ERC1: variants seen among roughly 807,000 people sequenced by gnomAD.
ERC1 encodes RAB6 interacting protein 2.
Under a neutral mutation model 132.0 loss-of-function variants are expected in ERC1, and 56 were observed. The observed-to-expected ratio is 0.42, with a 90% confidence interval of 0.34 to 0.53. The LOEUF (loss-of-function observed/expected upper bound fraction) is 0.53, where lower values mean the gene tolerates loss of function less well. ERC1 is among the 20% of genes least tolerant of loss of function. The probability of loss-of-function intolerance (pLI) is 0.03; values close to 1 mark genes in which losing one functional copy is unlikely to be tolerated. For synonymous variants in ERC1, 478 were observed against 476.1 expected (o/e 1.00, Z -0.05); for missense variants, 1,202 against 1,349.9 (o/e 0.89, Z 1.72).
chr12:1,334,004 T>C (rs1454215949), intron 15 of ERC1, among the ~76,000 whole-genome samples: 1 of 152,238 alleles, frequency 6.6e-6, no homozygotes, highest in African/African-American at 2.4e-5. Context: ...TGATCCCTGA[T>C]GTTGAGCTTT....
chr12:1,155,510 C>G (rs1228810790), intron 8 of ERC1, among the ~76,000 whole-genome samples: 1 of 151,632 alleles, frequency 6.6e-6, no homozygotes, highest in Non-Finnish European at 1.5e-5. Context: ...GAGTCTCGCT[C>G]TGTCGCCCAG....
At chr12:1,119,849 C>T (rs1350305168) in intron 7 of ERC1, among the ~76,000 whole-genome samples, 1 of 152,042 alleles carries the variant, frequency 6.6e-6, no homozygotes, top group Non-Finnish European at 1.5e-5. Flanking sequence ...CGCATCCATT[C>T]AGGAGTTACT....
rs115654257 is a variant in ERC1 at position 1,056,370 on chromosome 12, A to C, written c.670-26794A>C. On this transcript the variant is annotated intron_variant, in intron 2 of 18. Transcript: ENST00000360905. ...TGGAAAACTAGGACGCAGACACACA[A>C]AGAGTGAGGTTCAGAGTGGAAGTTT... 6.0e-3 allele frequency among the ~76,000 whole-genome samples: 906 copies of C among 151,886 alleles called. 9 individuals are homozygous for C. The highest frequency in any genetic ancestry group is 0.02 in the African/African-American group (836 of 41,188).
intron 18 of ERC1, among the ~76,000 whole-genome samples, chr12:1,454,865 A>AT (rs2093497049): frequency 6.6e-6 from 1 of 152,210 alleles, no homozygotes; most frequent in South Asian, 2.1e-4. Flanking sequence ...TCAGTTCATT[A>AT]TTACTTACTG....
chr12:1,374,068 C>T (rs964827211), intron 16 of ERC1, among the ~76,000 whole-genome samples: 39 of 152,198 alleles, frequency 2.6e-4, no homozygotes, highest in African/African-American at 9.4e-4. Context: ...TTCTTTAATT[C>T]CTCCAAGAGT....
chr12:1,010,241 G>C (rs900956451), intron 1 of ERC1, among the ~76,000 whole-genome samples: 1 of 152,122 alleles, frequency 6.6e-6, no homozygotes. Flanking sequence ...AGCAATTTGG[G>C]AGGCTGAGGT....
chr12:1,100,786 A>T (rs1324228196), intron 3 of ERC1, among the ~76,000 whole-genome samples: 1 of 152,220 alleles, frequency 6.6e-6, no homozygotes, highest in African/African-American at 2.4e-5. Flanking sequence ...GTAAAGGTAC[A>T]TACGAGTATG....
At chr12:1,194,215 G>GT (rs1376928277) in intron 12 of ERC1, among the ~76,000 whole-genome samples, 2 of 152,220 alleles carry the variant, frequency 1.3e-5, no homozygotes, top group African/African-American at 4.8e-5. Flanking sequence ...GAGGTCAGGA[G>GT]TTTGAGACCA....
At chr12:1,472,785 C>T (rs1290704777) in intron 18 of ERC1, among the ~76,000 whole-genome samples, 1 of 152,168 alleles carries the variant, frequency 6.6e-6, no homozygotes, top group Non-Finnish European at 1.5e-5. Flanking sequence ...TCAGTAAATA[C>T]TTAATGAACA....
intron 2 of ERC1, among the ~76,000 whole-genome samples, chr12:1,048,107 G>A (rs1420810388): frequency 6.6e-6 from 1 of 152,180 alleles, no homozygotes; most frequent in Non-Finnish European, 1.5e-5. Flanking sequence ...ACTAGAGGGC[G>A]TTGACTTTCT....
Position 1,083,204 on chromosome 12 carries a change from G to T in ERC1, c.710G>T (p.Arg237Leu), listed in dbSNP as rs201113683. 6.2e-7 allele frequency: 1 copy of T among 1,613,822 alleles called. No individual in the cohort carries two copies. Among genetic ancestry groups the T allele is most frequent in the Admixed American group, 1.7e-5 (1 of 59,962 alleles). ...ATCCAGGCTCTCCAGGATGAATTGCGGATCCAGAGGGACCTGAATCAGCTG... is the reference window on the plus strand; with the variant it reads ...ATCCAGGCTCTCCAGGATGAATTGCTGATCCAGAGGGACCTGAATCAGCTG... ...MTIQALQDEL[R>L]IQRDLNQLFQ... The change falls in exon 3 of 19, where the codon CGG (arginine) becomes CTG (leucine). Residue 237 changes from arginine (R) to leucine (L), a missense_variant. Coordinates refer to ENST00000360905, the MANE Select transcript of ERC1 (RefSeq NM_178040.4).
chr12:1,299,348 A>G (rs2080217857), intron 15 of ERC1, among the ~76,000 whole-genome samples: 1 of 152,218 alleles, frequency 6.6e-6, no homozygotes, highest in African/African-American at 2.4e-5. Context: ...AGTAGAATTC[A>G]GTTAGAAGTT....
chr12:1,190,885 G>A (rs12229687), intron 12 of ERC1, among the ~76,000 whole-genome samples: 124 of 127,376 alleles, frequency 9.7e-4, no homozygotes, highest in African/African-American at 3.5e-3. Context: ...TGATCCTTAA[G>A]AATAATTTTT....
chr12:1,185,867 T>C (rs1955034845), intron 11 of ERC1, among the ~76,000 whole-genome samples: 1 of 152,174 alleles, frequency 6.6e-6, no homozygotes, highest in Non-Finnish European at 1.5e-5. Flanking sequence ...AGTGAGTTAA[T>C]TCATTCAGGA....
intron 17 of ERC1, among the ~76,000 whole-genome samples, chr12:1,435,990 A>T (rs1386256792): frequency 6.6e-6 from 1 of 152,230 alleles, no homozygotes; most frequent in Non-Finnish European, 1.5e-5. Context: ...CTCTAGACAC[A>T]TGATGAGACC....
chr12:1,251,838 A>G (rs930935517), intron 13 of ERC1, among the ~76,000 whole-genome samples: 2 of 152,178 alleles, frequency 1.3e-5, no homozygotes. Context: ...GAATAAAATT[A>G]CATTAGGCAC....
chr12:1,426,187 T>C (rs1332434067), intron 17 of ERC1, among the ~76,000 whole-genome samples: 1 of 149,498 alleles, frequency 6.7e-6, no homozygotes, highest in Non-Finnish European at 1.5e-5. Context: ...CACTGCAACC[T>C]CCACCTCCTG....
intron 13 of ERC1, 152 bp from the exon 14 acceptor site, chr12:1,262,882 C>G: frequency 1.4e-6 from 1 of 692,806 alleles, no homozygotes; most frequent in Non-Finnish European, 2.3e-6. Flanking sequence ...TCCTTGCTTT[C>G]TTTATTGTGT....
chr12:1,288,523 A>G (rs1332525710), intron 14 of ERC1, among the ~76,000 whole-genome samples: 1 of 152,260 alleles, frequency 6.6e-6, no homozygotes, highest in Admixed American at 6.5e-5. Flanking sequence ...CAAAAAAACT[A>G]AATGCATTTG....
Sources: gnomAD v4.1 joint callset for allele counts (sites outside exome capture counted in the v4.1 genomes callset) on GRCh38, gnomAD v4.1.1 for gene constraint, MANE v1.5 for transcripts, NCBI Gene and HGNC (gene_info 2026-07-23, HGNC 2026-07-21) for gene names.